FAM177A1: variants seen among roughly 807,000 people sequenced by gnomAD.
The protein encoded by FAM177A1 is family with sequence similarity 177 member A1, also known as protein FAM177A1.
FAM177A1 carries 22 observed loss-of-function variants against 26.1 expected under a neutral mutation model. The observed-to-expected ratio is 0.84, with a 90% CI of 0.60 to 1.20. FAM177A1 has a LOEUF of 1.20. Among genes scored for constraint, FAM177A1 ranks in the 50% most tolerant of loss-of-function variants. The probability of loss-of-function intolerance (pLI) is 0.00; values close to 1 mark genes in which losing one functional copy is unlikely to be tolerated. For missense variants in FAM177A1, 296 were observed against 291.1 expected, an observed-to-expected ratio of 1.02 and a Z score of -0.12; for synonymous variants, 95 against 99.3, an observed-to-expected ratio of 0.96 and a Z score of 0.26.
intron 2 of FAM177A1, among the ~76,000 whole-genome samples, chr14:35,073,759 T>G (rs1453008467): frequency 6.6e-6 from 1 of 152,212 alleles, no homozygotes; most frequent in Non-Finnish European, 1.5e-5. Context: ...GTCCTAATCA[T>G]AAACCGGACT....
chr14:35,069,245 A>G (rs1205004756), intron 2 of FAM177A1, among the ~76,000 whole-genome samples: 1 of 151,842 alleles, frequency 6.6e-6, no homozygotes, highest in East Asian at 1.9e-4. Context: ...GTTTCCTGCC[A>G]TAGACCAATA....
intron 2 of FAM177A1, among the ~76,000 whole-genome samples, chr14:35,053,805 A>C (rs1368364019): frequency 6.6e-6 from 1 of 152,156 alleles, no homozygotes; most frequent in Non-Finnish European, 1.5e-5. Flanking sequence ...CAGCCTGGCC[A>C]ACATGGCAAA....
chr14:35,076,125 A>G (rs1049640194), intron 2 of FAM177A1, among the ~76,000 whole-genome samples: 4 of 152,202 alleles, frequency 2.6e-5, no homozygotes, highest in East Asian at 1.9e-4. Context: ...TCATGTTGCT[A>G]TAAAGACACA....
At position 35,069,686 on chromosome 14, in the gene FAM177A1, A is replaced by G. The variant is rs143009625; in HGVS notation, c.340-7464A>G. ...TTCCTCTTAATACATCATAAATATGATAAGACAAAGGAATTTTGAAAAGGT... is the reference window on the plus strand; with the variant it reads ...TTCCTCTTAATACATCATAAATATGGTAAGACAAAGGAATTTTGAAAAGGT... On this transcript the variant is annotated intron_variant, in intron 2 of 4. Coordinates refer to ENST00000280987, the MANE Select transcript of FAM177A1 (RefSeq NM_173607.5). 3.8e-3 allele frequency among the ~76,000 whole-genome samples: 586 copies of G among 152,310 alleles called. 6 individuals are homozygous for G. Among genetic ancestry groups the G allele is most frequent in the African/African-American group, 0.014 (568 of 41,566 alleles).
At chr14:35,062,025 C>T (rs2045166591) in intron 2 of FAM177A1, among the ~76,000 whole-genome samples, 1 of 152,022 alleles carries the variant, frequency 6.6e-6, no homozygotes, top group Non-Finnish European at 1.5e-5. Flanking sequence ...GAGAAGAAAA[C>T]CCAACTGGAA....
intron 4 of FAM177A1, 111 bp downstream of exon 4, chr14:35,079,135 C>T (rs1487163285): frequency 2.9e-6 from 2 of 681,260 alleles, no homozygotes; most frequent in Non-Finnish European, 4.9e-6. Flanking sequence ...CTCTCTTATG[C>T]TAGGCATTTC....
chr14:35,056,036 A>G (rs1248603565), intron 2 of FAM177A1, among the ~76,000 whole-genome samples: 8 of 151,670 alleles, frequency 5.3e-5, no homozygotes. Flanking sequence ...TAGGTTATTT[A>G]TTTATTTTTA....
intron 1 of FAM177A1, among the ~76,000 whole-genome samples, chr14:35,048,538 C>T (rs1031060572): frequency 5.3e-5 from 8 of 149,706 alleles, no homozygotes; most frequent in African/African-American, 1.9e-4. Flanking sequence ...GGAATTTTAT[C>T]ATTCAATATT....
intron 2 of FAM177A1, among the ~76,000 whole-genome samples, chr14:35,059,965 G>GTT (rs1321589595): frequency 7.1e-6 from 1 of 140,578 alleles, no homozygotes; most frequent in African/African-American, 2.7e-5. Context: ...GCGCCTGGCT[G>GTT]TTTTTTTTGT....
rs2045384741 is a variant in FAM177A1 at position 35,075,760 on chromosome 14, T to A, written c.340-1390T>A. ...ACTCAAACAAATTTACAAGAAAAAA[T>A]CAAACAACCCCATCAAAAAGTGGGC... On this transcript the variant is annotated intron_variant, in intron 2 of 4. Coordinates refer to ENST00000280987, the MANE Select transcript of FAM177A1 (RefSeq NM_173607.5). 3.3e-5 allele frequency among the ~76,000 whole-genome samples: 5 copies of A among 151,780 alleles called. No individual in the cohort carries two copies. The South Asian group carries it at 1.0e-3, about 32-fold the overall frequency.
intron 2 of FAM177A1, among the ~76,000 whole-genome samples, chr14:35,055,529 G>A (rs543260205): frequency 6.6e-6 from 1 of 151,448 alleles, no homozygotes; most frequent in South Asian, 2.1e-4. Flanking sequence ...TGCCTCCTGG[G>A]TTTAAGCGAT....
At chr14:35,065,078 G>GT (rs2045220847) in intron 2 of FAM177A1, among the ~76,000 whole-genome samples, 2 of 151,308 alleles carry the variant, frequency 1.3e-5, no homozygotes, top group African/African-American at 4.9e-5. Context: ...TTTTTTTGTT[G>GT]TTTTTTAATG....
chr14:35,061,158 AG>A (rs1030847396), intron 2 of FAM177A1, among the ~76,000 whole-genome samples: 2 of 152,190 alleles, frequency 1.3e-5, no homozygotes, highest in Non-Finnish European at 1.5e-5. Context: ...CTGCAGATAA[AG>A]GGGGACCACT....
chr14:35,062,095 C>T (rs987806967), intron 2 of FAM177A1, among the ~76,000 whole-genome samples: 2 of 152,192 alleles, frequency 1.3e-5, no homozygotes, highest in African/African-American at 4.8e-5. Flanking sequence ...CAGTTTCTGC[C>T]TTCCTTTGCT....
At chr14:35,058,258 G>A (rs2045093390) in intron 2 of FAM177A1, among the ~76,000 whole-genome samples, 1 of 151,940 alleles carries the variant, frequency 6.6e-6, no homozygotes, top group Admixed American at 6.6e-5. Context: ...TAGAGACGGG[G>A]TTTCACCATG....
rs999721865 is a variant in FAM177A1, at chr14:35,049,125, G to GT, written c.165+2498dup. Among the ~76,000 whole-genome samples, 163 of 152,120 alleles carry GT rather than the reference G, an allele frequency of 1.1e-3. 1 individual carries two copies. The highest frequency in any genetic ancestry group is 3.6e-3 in the African/African-American group (149 of 41,520). On this transcript the variant is annotated intron_variant, in intron 1 of 4. Coordinates refer to ENST00000280987, the MANE Select transcript of FAM177A1 (RefSeq NM_173607.5). ...AGGCTGGTCTTGAAGTCCTGACCTT[G>GT]TGATCCACCTGCTGCCTTGGCCTCC... is the stretch of plus-strand genomic sequence containing the variant.
At chr14:35,047,579 T>C (rs902348378) in intron 1 of FAM177A1, among the ~76,000 whole-genome samples, 2 of 152,142 alleles carry the variant, frequency 1.3e-5, no homozygotes, top group Non-Finnish European at 2.9e-5. Flanking sequence ...TGAAACCCCT[T>C]CTCTACTAAA....
chr14:35,063,322 C>T (rs762559850), intron 2 of FAM177A1, among the ~76,000 whole-genome samples: 1 of 151,890 alleles, frequency 6.6e-6, no homozygotes, highest in Non-Finnish European at 1.5e-5. Context: ...CCTGTAATCC[C>T]AGCACTTTGG....
chr14:35,055,458 G>A (rs1178645771), intron 2 of FAM177A1, among the ~76,000 whole-genome samples: 3 of 88,122 alleles, frequency 3.4e-5, no homozygotes, highest in Non-Finnish European at 6.9e-5. Flanking sequence ...TTTTTTTTTT[G>A]AGACAGGGTC....
Sources: allele counts gnomAD v4.1 joint callset (sites outside exome capture counted in the v4.1 genomes callset), GRCh38; gene constraint gnomAD v4.1.1; transcripts MANE v1.5; gene names NCBI Gene and HGNC (gene_info 2026-07-23, HGNC 2026-07-21).